The following NT5M variants were observed in gnomAD, a reference collection of about 807,000 sequenced individuals.
NT5M encodes 5'(3')-deoxyribonucleotidase, mitochondrial.
NT5M carries 22 observed loss-of-function variants against 22.2 expected under a neutral mutation model. That is an observed-to-expected ratio of 0.99 (90% CI 0.71 to 1.41). The LOEUF is 1.41. Ranked by LOEUF, NT5M falls within the 40% of genes most tolerant of loss-of-function variation. The pLI, the probability that NT5M is intolerant of heterozygous loss-of-function variation, is 0.00. For missense variants in NT5M, 322 were observed against 314.8 expected (o/e 1.02, Z -0.17); for synonymous variants, 167 against 133.0 (o/e 1.26, Z -1.76).
intron 3 of NT5M, among the ~76,000 whole-genome samples, chr17:17,337,085 T>G (rs2049530168): frequency 1.3e-5 from 2 of 152,196 alleles, no homozygotes; most frequent in African/African-American, 4.8e-5. Context: ...GGGTTTTATT[T>G]TCTTCTTGTC....
rs2048736942 is a variant in NT5M at position 17,303,925 on chromosome 17, G to GC, written c.267+111dup. On this transcript the variant is annotated intron_variant, in intron 1 of 4. Transcript: ENST00000389022. The stretch of plus-strand genomic sequence containing the variant: ...CGGTCAGCGCCCCAGCCTCGGGGTG[G>GC]CCCTCTGATAGAATAGGGTCTGGGG... The GC allele has an allele frequency of 5.3e-6, 7 of 1,316,518 alleles. No homozygotes were observed. The East Asian group carries it at 2.2e-4, about 41-fold the overall frequency. 81.6% of individuals were successfully genotyped at this position (1,316,518 alleles called of 1,614,324 possible).
Position 17,339,501 on chromosome 17 carries a change from G to T in NT5M, c.430-5293G>T, listed in dbSNP as rs142273216. ...CTGATTGCTCTAGCGAGGACTTCCA[G>T]TACTATGTTGAATCACAGTGGTGAA... On this transcript the variant is annotated intron_variant, in intron 3 of 4. Coordinates refer to ENST00000389022, the MANE Select transcript of NT5M (RefSeq NM_020201.4). Among the ~76,000 whole-genome samples the T allele has an allele frequency of 9.9e-3, 1,500 of 152,118 alleles. 41 individuals are homozygous for T. Among genetic ancestry groups the T allele is most frequent in the African/African-American group, 0.034 (1,409 of 41,494 alleles).
Position 17,303,519 on chromosome 17 carries a change from C to T in NT5M, c.-32C>T, listed in dbSNP as rs1272805071. 1.9e-6 allele frequency: 2 copies of T among 1,031,378 alleles called. No individual in the cohort carries two copies. 63.9% of individuals were successfully genotyped at this position (1,031,378 alleles called of 1,614,324 possible). On this transcript the variant is annotated 5_prime_UTR_variant, in exon 1 of 5. Transcript: ENST00000389022. ...CCGGCAGCACGGCGCGGCCCAGGTCCCCGCGCCCACGACGGGCCAGCGCGC... is the reference window on the plus strand; with the variant it reads ...CCGGCAGCACGGCGCGGCCCAGGTCTCCGCGCCCACGACGGGCCAGCGCGC...
intron 2 of NT5M, among the ~76,000 whole-genome samples, chr17:17,309,457 A>C (rs2048878306): frequency 6.6e-6 from 1 of 152,138 alleles, no homozygotes; most frequent in Non-Finnish European, 1.5e-5. Context: ...AGGCCATAGG[A>C]TAATTCTGTG....
intron 2 of NT5M, among the ~76,000 whole-genome samples, chr17:17,322,556 G>A (rs765863756): frequency 5.9e-5 from 9 of 152,182 alleles, no homozygotes; most frequent in Non-Finnish European, 8.8e-5. Flanking sequence ...GAGAGAAAGC[G>A]TCAGCAAAGT....
intron 2 of NT5M, among the ~76,000 whole-genome samples, chr17:17,312,642 C>A (rs2048943606): frequency 1.8e-5 from 1 of 56,554 alleles, no homozygotes; most frequent in African/African-American, 6.2e-5. Context: ...GAAACTCCAT[C>A]TCAAAAAAAA....
intron 4 of NT5M, 185 bp downstream of exon 4, chr17:17,345,093 G>A (rs1032675982): frequency 1.3e-4 from 78 of 619,136 alleles, no homozygotes; most frequent in Non-Finnish European, 1.6e-4. Flanking sequence ...GGTGCTCCTG[G>A]GAGCTGGGAG....
intron 3 of NT5M, among the ~76,000 whole-genome samples, chr17:17,331,657 C>A (rs1023026438): frequency 3.3e-5 from 5 of 151,340 alleles, no homozygotes; most frequent in Non-Finnish European, 7.4e-5. Context: ...TCTAGTGGAA[C>A]GATCATAGCT....
chr17:17,303,972 C>T, intron 1 of NT5M, 155 bp downstream of exon 1: 5 of 1,249,860 alleles, frequency 4.0e-6, no homozygotes, highest in African/African-American at 1.6e-5. Context: ...CCACAGCGCA[C>T]CGGGAAGATG....
chr17:17,332,201 C>T (rs1316614398), intron 3 of NT5M, among the ~76,000 whole-genome samples: 2 of 152,124 alleles, frequency 1.3e-5, no homozygotes, highest in East Asian at 3.8e-4. Flanking sequence ...CTGTCCCTTC[C>T]AACATTTTGC....
chr17:17,334,478 GTTT>G (rs35096596), intron 3 of NT5M, among the ~76,000 whole-genome samples: 1 of 120,012 alleles, frequency 8.3e-6, no homozygotes, highest in Non-Finnish European at 1.7e-5. Context: ...AGTTACTGTA[GTTT>G]TTTTTTTTTT....
intron 2 of NT5M, among the ~76,000 whole-genome samples, chr17:17,314,224 G>A (rs559505887): frequency 6.6e-6 from 1 of 152,094 alleles, no homozygotes; most frequent in South Asian, 2.1e-4. Context: ...TAGTAAAGAC[G>A]GGGTTTCACC....
In NT5M at chr17:17,321,033, CG is replaced by C. The variant is rs540297071; in HGVS notation, c.369-2148del. Among the ~76,000 whole-genome samples the C allele has an allele frequency of 2.6e-5, 4 of 152,102 alleles. No individual in the cohort carries two copies. The South Asian group carries it at 8.3e-4, about 32-fold the overall frequency. ...GGGTCGGTAGGTGGAGGCAGCTTGT[CG>C]GGGACATTCTGCTTCGAAGGGAGCA... is the stretch of plus-strand genomic sequence containing the variant. On this transcript the variant is annotated intron_variant, in intron 2 of 4. Transcript: ENST00000389022.
At chr17:17,318,496 A>G (rs958476484) in intron 2 of NT5M, among the ~76,000 whole-genome samples, 37 of 145,028 alleles carry the variant, frequency 2.6e-4, no homozygotes, top group African/African-American at 9.3e-4. Flanking sequence ...AAAAAAAAAA[A>G]AAAAAAAGTC....
At chr17:17,307,465 C>A (rs909040489) in intron 2 of NT5M, among the ~76,000 whole-genome samples, 2 of 150,108 alleles carry the variant, frequency 1.3e-5, no homozygotes, top group Non-Finnish European at 1.5e-5. Flanking sequence ...CTCAGCCGGG[C>A]GCGGTGGCTC....
intron 3 of NT5M, among the ~76,000 whole-genome samples, chr17:17,325,244 G>A (rs929395728): frequency 2.0e-5 from 3 of 152,136 alleles, no homozygotes; most frequent in East Asian, 1.9e-4. Flanking sequence ...TCATTCATCC[G>A]TTCCTGGGGA....
intron 2 of NT5M, among the ~76,000 whole-genome samples, chr17:17,307,609 A>G (rs2048832368): frequency 6.9e-6 from 1 of 144,194 alleles, no homozygotes; most frequent in Non-Finnish European, 1.5e-5. Flanking sequence ...TAATCCTAGC[A>G]CTTTGGGAGG....
intron 2 of NT5M, 103 bp from the exon 3 acceptor site, chr17:17,323,082 A>G (rs2049184620): frequency 2.2e-6 from 2 of 903,566 alleles, no homozygotes; most frequent in Non-Finnish European, 3.8e-6. Flanking sequence ...GGAAGGGTTC[A>G]GACTCAGAGG....
At chr17:17,335,742 C>T (rs1471655217) in intron 3 of NT5M, among the ~76,000 whole-genome samples, 1 of 151,278 alleles carries the variant, frequency 6.6e-6, no homozygotes, top group African/African-American at 2.4e-5. Flanking sequence ...AAGCAGTTCT[C>T]TTGCCTCAGC....
Sources: allele counts gnomAD v4.1 joint callset (sites outside exome capture counted in the v4.1 genomes callset), GRCh38; gene constraint gnomAD v4.1.1; transcripts MANE v1.5; gene names NCBI Gene and HGNC (gene_info 2026-07-23, HGNC 2026-07-21).